Variants in CLSTN1 observed in about 807,000 individuals in gnomAD.
The protein encoded by CLSTN1 is calsyntenin 1.
In CLSTN1, 28 loss-of-function variants were observed where a neutral mutation model predicts 108.3. The ratio of observed to expected loss-of-function variants is 0.26; its 90% CI spans 0.19 to 0.35. CLSTN1 has a LOEUF of 0.35. Ranked by LOEUF, CLSTN1 falls within the 10% of genes least tolerant of loss-of-function variation. CLSTN1 has a pLI of 1.00. For synonymous variants in CLSTN1, 524 were observed against 534.9 expected (o/e 0.98, Z 0.28); for missense variants, 1,157 against 1,302.6 (o/e 0.89, Z 1.72).
chr1:9,811,681 G>A (rs527438752), intron 1 of CLSTN1, among the ~76,000 whole-genome samples: 1 of 148,400 alleles, frequency 6.7e-6, no homozygotes, highest in South Asian at 2.1e-4. Flanking sequence ...ATTCAAGTCA[G>A]TGTGTTTTAC....
intron 1 of CLSTN1, among the ~76,000 whole-genome samples, chr1:9,819,071 G>A (rs1358272227): frequency 6.6e-6 from 1 of 151,910 alleles, no homozygotes; most frequent in East Asian, 1.9e-4. Flanking sequence ...TGGGATTACA[G>A]GTGTGAGCCA....
chr1:9,755,955 C>CTAT (rs1317785197), intron 3 of CLSTN1, among the ~76,000 whole-genome samples: 2 of 152,182 alleles, frequency 1.3e-5, no homozygotes, highest in East Asian at 3.8e-4. Flanking sequence ...GACACAGTTT[C>CTAT]TATTATGGGA....
At chr1:9,805,709 A>G (rs991548435) in intron 1 of CLSTN1, among the ~76,000 whole-genome samples, 13 of 151,742 alleles carry the variant, frequency 8.6e-5, no homozygotes, top group African/African-American at 3.1e-4. Context: ...TCTACTAAAA[A>G]TACAAAAATT....
chr1:9,760,756 T>G (rs1652034499), intron 2 of CLSTN1, among the ~76,000 whole-genome samples: 2 of 145,328 alleles, frequency 1.4e-5, no homozygotes, highest in Admixed American at 1.4e-4. Flanking sequence ...CTTGGACTCC[T>G]GAGCTCAAGT....
Position 9,749,484 on chromosome 1 carries a change from T to C in CLSTN1, c.962A>G (p.Glu321Gly), listed in dbSNP as rs1457164191. 1.2e-6 allele frequency: 2 copies of C among 1,613,260 alleles called. No homozygotes were observed. Among genetic ancestry groups the C allele is most frequent in the Admixed American group, 3.4e-5 (2 of 59,594 alleles). Residue 321 changes from glutamate to glycine, a missense_variant, in exon 7 of 19, where the codon GAG becomes GGG. Glu to Gly is a moderately conservative substitution (Grantham distance 98). Coordinates refer to ENST00000377298, the MANE Select transcript of CLSTN1 (RefSeq NM_001009566.3). ...ACCACAGAGCCGGTGGAGGGACTTC[T>C]CTGAGTAGGTGTCTCGGTCGCAGCC... is the stretch of plus-strand genomic sequence containing the variant. ...GKGCDRDTYSEKSLHRLCGAA... is the reference protein window; with the variant it reads ...GKGCDRDTYSGKSLHRLCGAA...
chr1:9,819,848 A>G (rs1416850556), intron 1 of CLSTN1, among the ~76,000 whole-genome samples: 1 of 152,170 alleles, frequency 6.6e-6, no homozygotes, highest in Non-Finnish European at 1.5e-5. Context: ...TTTTTTCCAC[A>G]TCGTTACTTC....
At chr1:9,790,565 A>G (rs74979710) in intron 1 of CLSTN1, among the ~76,000 whole-genome samples, 3,690 of 151,560 alleles carry the variant, frequency 0.024, 92 homozygotes, top group Non-Finnish European at 0.039. Context: ...TGAGATCGCC[A>G]TTAAAATATT....
At chr1:9,749,245 T>C (rs1651431622) in intron 7 of CLSTN1, among the ~76,000 whole-genome samples, 1 of 152,126 alleles carries the variant, frequency 6.6e-6, no homozygotes, top group South Asian at 2.1e-4. Flanking sequence ...ACATGTTGAA[T>C]AGACGTTTAG....
In CLSTN1 at chr1:9,730,942, C is replaced by T. The variant is rs1650347771; in HGVS notation, c.2749-237G>A. Reference sequence around the variant, plus strand: ...GCAGCTTGGGACAGCACCTCAGCTGCCCCACCAGAGAACTCTCTCAGGATT... The same window carrying T: ...GCAGCTTGGGACAGCACCTCAGCTGTCCCACCAGAGAACTCTCTCAGGATT... On this transcript the variant is annotated intron_variant, in intron 18 of 18. Coordinates refer to ENST00000377298, the MANE Select transcript of CLSTN1 (RefSeq NM_001009566.3). The surrounding 1 kb of genome is among the most constrained non-coding windows in gnomAD (Gnocchi z 5.6). Among the ~76,000 whole-genome samples, 1 of 152,180 alleles carries T rather than the reference C, an allele frequency of 6.6e-6. No homozygotes were observed. The highest frequency in any genetic ancestry group is 2.4e-5 in the African/African-American group (1 of 41,444).
At chr1:9,754,262 TCATTTA>T (rs1430891454) in intron 4 of CLSTN1, among the ~76,000 whole-genome samples, 1 of 152,202 alleles carries the variant, frequency 6.6e-6, no homozygotes, top group Non-Finnish European at 1.5e-5. Flanking sequence ...ATTCACTCAT[TCATTTA>T]TTAAAAACCT....
At chr1:9,782,404 T>C (rs998401764) in intron 1 of CLSTN1, among the ~76,000 whole-genome samples, 1 of 152,164 alleles carries the variant, frequency 6.6e-6, no homozygotes, top group Admixed American at 6.6e-5. Flanking sequence ...CTAATAAATC[T>C]TGAATGGTTA....
At chr1:9,755,870 C>A (rs960495701) in intron 3 of CLSTN1, among the ~76,000 whole-genome samples, 3 of 152,068 alleles carry the variant, frequency 2.0e-5, no homozygotes, top group Non-Finnish European at 2.9e-5. Flanking sequence ...TCAAAACAAA[C>A]TACTCAATGA....
rs574060071 is a variant in CLSTN1, at chr1:9,805,771, G to A, written c.91+17872C>T. On this transcript the variant is annotated intron_variant, in intron 1 of 18. Coordinates refer to ENST00000377298, the MANE Select transcript of CLSTN1 (RefSeq NM_001009566.3). ...AGTCCCAGCTACTCAGGAGGCTGAG[G>A]CAGGAGAATCGCTTGAACCCAGGAG... is the stretch of plus-strand genomic sequence containing the variant. Among the ~76,000 whole-genome samples the A allele has an allele frequency of 2.5e-4, 38 of 151,092 alleles. No homozygotes were observed. The South Asian group carries it at 8.0e-3, about 32-fold the overall frequency.
At chr1:9,822,270 T>C (rs947978682) in intron 1 of CLSTN1, among the ~76,000 whole-genome samples, 16 of 152,218 alleles carry the variant, frequency 1.1e-4, no homozygotes, top group African/African-American at 3.9e-4. Flanking sequence ...AATGAGATAC[T>C]TAGTGACTAA....
chr1:9,804,077 G>A (rs867248177), intron 1 of CLSTN1, among the ~76,000 whole-genome samples: 16 of 151,936 alleles, frequency 1.1e-4, no homozygotes, highest in African/African-American at 3.4e-4. Flanking sequence ...TATTAAAGGC[G>A]AGGGGCCGGG....
chr1:9,775,351 T>C (rs916536302), intron 1 of CLSTN1, among the ~76,000 whole-genome samples: 3 of 152,064 alleles, frequency 2.0e-5, no homozygotes, highest in African/African-American at 7.2e-5. Flanking sequence ...CTCTCGGTGA[T>C]GGCCCGGATC....
Position 9,731,821 on chromosome 1 carries a change from C to T in CLSTN1, c.2503G>A (p.Glu835Lys). 1 of 1,614,164 alleles carries T rather than the reference C, an allele frequency of 6.2e-7. No individual in the cohort carries two copies. ...MAAQPQFVHP[E>K]HRSFVDLSGH... ...GACAGGTCAACAAAGGAGCGGTGTT[C>T]CGGGTGCACGAACTGTGGCTGGGCA... The change falls in exon 17 of 19, where the codon GAA becomes AAA. Residue 835 changes from glutamate (E) to lysine (K), a missense_variant. Transcript: ENST00000377298.
At chr1:9,818,855 C>T (rs1358241377) in intron 1 of CLSTN1, among the ~76,000 whole-genome samples, 2 of 136,088 alleles carry the variant, frequency 1.5e-5, no homozygotes, top group Non-Finnish European at 3.0e-5. Flanking sequence ...GGCGCGATCT[C>T]GGCTCACTGC....
At chr1:9,807,075 G>A (rs989107095) in intron 1 of CLSTN1, among the ~76,000 whole-genome samples, 9 of 151,912 alleles carry the variant, frequency 5.9e-5, no homozygotes, top group Admixed American at 3.3e-4. Context: ...CCACAGGTGC[G>A]GCAGAAAGAG....
Sources: allele counts gnomAD v4.1 joint callset (sites outside exome capture counted in the v4.1 genomes callset), GRCh38; gene constraint gnomAD v4.1.1; non-coding constraint Gnocchi (gnomAD v3.1); transcripts MANE v1.5; gene names NCBI Gene and HGNC (gene_info 2026-07-23, HGNC 2026-07-21).